ATRNL1: variants seen among roughly 807,000 people sequenced by gnomAD.
ATRNL1 encodes attractin-like protein 1.
A neutral mutation model predicts 182.7 loss-of-function variants in ATRNL1; 95 were observed. The ratio of observed to expected loss-of-function variants is 0.52; its 90% CI spans 0.44 to 0.62. The LOEUF (loss-of-function observed/expected upper bound fraction) is 0.62. ATRNL1 is among the 20% of genes least tolerant of loss of function. ATRNL1 has a pLI of 0.00. For synonymous variants in ATRNL1, 576 were observed against 568.3 expected (o/e 1.01, Z -0.19); for missense variants, 1,471 against 1,679.5 (o/e 0.88, Z 2.17).
intron 8 of ATRNL1, among the ~76,000 whole-genome samples, chr10:115,210,501 C>T (rs544097783): frequency 6.6e-6 from 1 of 152,066 alleles, no homozygotes; most frequent in South Asian, 2.1e-4. Context: ...TGGCTCCTCA[C>T]AACCACCAGT....
chr10:115,294,929 T>G (rs1383550103), intron 15 of ATRNL1, among the ~76,000 whole-genome samples: 2 of 152,172 alleles, frequency 1.3e-5, no homozygotes, highest in African/African-American at 4.8e-5. Context: ...GAGAGTGTGC[T>G]CACCTTGCTG....
chr10:115,894,334 C>G (rs2134471016), intron 28 of ATRNL1, among the ~76,000 whole-genome samples: 1 of 152,248 alleles, frequency 6.6e-6, no homozygotes, highest in East Asian at 1.9e-4. Context: ...CATGAACTTG[C>G]TAGCCTTGCC....
intron 27 of ATRNL1, among the ~76,000 whole-genome samples, chr10:115,835,123 A>T (rs1465298201): frequency 2.6e-5 from 4 of 152,078 alleles, no homozygotes; most frequent in Non-Finnish European, 5.9e-5. Context: ...AGACAATATG[A>T]CTTAGCAGGC....
At chr10:115,752,189 C>A (rs1948468060) in intron 27 of ATRNL1, among the ~76,000 whole-genome samples, 1 of 151,896 alleles carries the variant, frequency 6.6e-6, no homozygotes, top group South Asian at 2.1e-4. Context: ...AATATTTATT[C>A]AGAATTCATT....
intron 27 of ATRNL1, among the ~76,000 whole-genome samples, chr10:115,774,232 A>G (rs1207340208): frequency 2.6e-5 from 4 of 152,068 alleles, no homozygotes; most frequent in Admixed American, 2.0e-4. Context: ...GTTTGAGACC[A>G]GCCTGGCCAA....
intron 26 of ATRNL1, among the ~76,000 whole-genome samples, chr10:115,601,781 A>G (rs1166761160): frequency 6.6e-6 from 1 of 152,186 alleles, no homozygotes; most frequent in Non-Finnish European, 1.5e-5. Flanking sequence ...TAGACAGCAT[A>G]TAGTTGTAAC....
intron 24 of ATRNL1, among the ~76,000 whole-genome samples, chr10:115,478,304 G>C (rs1554973531): frequency 6.6e-6 from 1 of 151,722 alleles, no homozygotes; most frequent in African/African-American, 2.4e-5. Context: ...GTTATGGTCT[G>C]TTGAGCTGCC....
At chr10:115,285,206 T>C (rs1852550348) in intron 14 of ATRNL1, among the ~76,000 whole-genome samples, 2 of 152,218 alleles carry the variant, frequency 1.3e-5, no homozygotes, top group African/African-American at 4.8e-5. Flanking sequence ...TAAATACATG[T>C]ATTTGTTAAA....
In ATRNL1 at chr10:115,223,929, A is replaced by ATTTTTTTTTTTTTTTTT. The variant is rs1223695295; in HGVS notation, c.1532+8053_1532+8069dup. On this transcript the variant is annotated intron_variant, in intron 9 of 28. Coordinates refer to ENST00000355044, the MANE Select transcript of ATRNL1 (RefSeq NM_207303.4). Reference sequence around the variant, plus strand: ...TGTGTGTGTGTATATATATATATATATTTTTTTTTTTTTTTTTTTTCTTTG... The same window carrying ATTTTTTTTTTTTTTTTT: ...TGTGTGTGTGTATATATATATATATATTTTTTTTTTTTTTTTTTTTTTTTTTTTTTTTTTTTTCTTTG... Among the ~76,000 whole-genome samples the ATTTTTTTTTTTTTTTTT allele has an allele frequency of 8.9e-5, 4 of 44,732 alleles. 1 individual carries two copies. The highest frequency in any genetic ancestry group is 9.2e-5 in the African/African-American group (1 of 10,858). The allele number at this position is 44,732 out of a possible 152,430, so 29.3% of individuals were successfully genotyped here. A position where few individuals can be genotyped will look rare whatever the true frequency, so the allele number is the denominator to read the frequency against.
At chr10:115,568,150 G>A (rs12269265) in intron 26 of ATRNL1, among the ~76,000 whole-genome samples, 3,030 of 152,112 alleles carry the variant, frequency 0.02, 94 homozygotes, top group African/African-American at 0.069. Flanking sequence ...CCTGGCAGAA[G>A]CTATTGTCAT....
intron 28 of ATRNL1, among the ~76,000 whole-genome samples, chr10:115,901,743 G>GAAAAAAAAA (rs562327427): frequency 1.7e-5 from 1 of 58,048 alleles, no homozygotes; most frequent in African/African-American, 4.0e-5. Context: ...GAACTGAGAA[G>GAAAAAAAAA]AAAAAAAAAA....
intron 28 of ATRNL1, among the ~76,000 whole-genome samples, chr10:115,882,560 C>G (rs1347134153): frequency 6.6e-6 from 1 of 152,190 alleles, no homozygotes; most frequent in East Asian, 1.9e-4. Flanking sequence ...AAATTTTCCA[C>G]TCTCCAGGGT....
intron 26 of ATRNL1, among the ~76,000 whole-genome samples, chr10:115,707,348 G>T (rs1241712565): frequency 1.3e-5 from 2 of 151,710 alleles, no homozygotes; most frequent in South Asian, 4.1e-4. Context: ...ATGTTCTAAA[G>T]ATAACACTTT....
At chr10:115,480,604 AT>A (rs1554973977) in intron 24 of ATRNL1, among the ~76,000 whole-genome samples, 1 of 151,192 alleles carries the variant, frequency 6.6e-6, no homozygotes, top group Non-Finnish European at 1.5e-5. Context: ...GATATAACAA[AT>A]ATGTAAGAAA....
chr10:115,770,840 A>G (rs527429621), intron 27 of ATRNL1, among the ~76,000 whole-genome samples: 37 of 152,302 alleles, frequency 2.4e-4, no homozygotes, highest in African/African-American at 8.9e-4. Context: ...GAATTTATTG[A>G]TAGATTTTCT....
intron 26 of ATRNL1, among the ~76,000 whole-genome samples, chr10:115,632,403 A>T (rs1417688058): frequency 6.6e-6 from 1 of 152,210 alleles, no homozygotes; most frequent in Non-Finnish European, 1.5e-5. Flanking sequence ...TCTTCAGGGA[A>T]ATAATCAAGT....
chr10:115,532,467 A>G (rs1291080528), intron 25 of ATRNL1, among the ~76,000 whole-genome samples: 2 of 152,132 alleles, frequency 1.3e-5, no homozygotes, highest in African/African-American at 2.4e-5. Flanking sequence ...ATTTTTGTAC[A>G]TTGATTTTGT....
intron 26 of ATRNL1, among the ~76,000 whole-genome samples, chr10:115,722,544 G>A (rs1555058120): frequency 6.6e-6 from 1 of 152,058 alleles, no homozygotes; most frequent in Non-Finnish European, 1.5e-5. Flanking sequence ...TTTTTTACTT[G>A]TATTACTGTA....
At chr10:115,573,968 G>C (rs1260631019) in intron 26 of ATRNL1, among the ~76,000 whole-genome samples, 1 of 152,134 alleles carries the variant, frequency 6.6e-6, no homozygotes, top group Non-Finnish European at 1.5e-5. Context: ...TTCTGTGTCC[G>C]ATTGTAGGAG....
Sources: gnomAD v4.1 joint callset for allele counts (sites outside exome capture counted in the v4.1 genomes callset) on GRCh38, gnomAD v4.1.1 for gene constraint, MANE v1.5 for transcripts, NCBI Gene and HGNC (gene_info 2026-07-23, HGNC 2026-07-21) for gene names.